CHD6: variants seen among roughly 807,000 people sequenced by gnomAD.
CHD6 encodes chromodomain helicase DNA binding protein 6.
In CHD6, 50 loss-of-function variants were observed where a neutral mutation model predicts 276.9. The ratio of observed to expected loss-of-function variants is 0.18; its 90% CI spans 0.14 to 0.23. The LOEUF is 0.23. Among genes scored for constraint, CHD6 ranks in the 10% least tolerant of loss-of-function variants. The pLI, the probability that CHD6 is intolerant of heterozygous loss-of-function variation, is 1.00. For synonymous variants in CHD6, 1,173 were observed against 1,229.3 expected (o/e 0.95, Z 0.96); for missense variants, 2,564 against 3,365.8 (o/e 0.76, Z 5.89).
At chr20:41,485,091 C>T (rs1011075410) in intron 14 of CHD6, among the ~76,000 whole-genome samples, 2 of 152,212 alleles carry the variant, frequency 1.3e-5, no homozygotes, top group Admixed American at 1.3e-4. Flanking sequence ...TAGCAGCATA[C>T]ATGCTTGGGT....
intron 1 of CHD6, among the ~76,000 whole-genome samples, chr20:41,585,217 A>G (rs997225531): frequency 1.3e-5 from 2 of 152,202 alleles, no homozygotes; most frequent in African/African-American, 4.8e-5. Flanking sequence ...AAGAAGATAT[A>G]GAGTAGCCAG....
rs4810321 is a variant in CHD6 at position 41,491,571 on chromosome 20, C to T, written c.1436+127G>A. 387,937 of 987,984 alleles carry T rather than the reference C, an allele frequency of 0.39. 83,602 individuals carry two copies. The highest frequency in any genetic ancestry group is 0.73 in the African/African-American group (45,107 of 61,978). The allele number at this position is 987,984 out of a possible 1,614,324, so 61.2% of individuals were successfully genotyped here. ...GTCTTGGATGATTAATGTGCAAAGA[C>T]TACCACCCTAAATTGATGGCCATGC... On this transcript the variant is annotated intron_variant, in intron 11 of 36. Transcript: ENST00000373233.
In CHD6 at chr20:41,533,040, A is replaced by G. The variant is rs1301146899; in HGVS notation, c.554+10T>C. ...AGGCAAGTGCTCAGAGAAGGGAGAA[A>G]GGAACGTACCTGGCCTTCCTGGACT... On this transcript the variant is annotated intron_variant, in intron 3 of 36. Transcript: ENST00000373233. 1 of 1,569,832 alleles carries G rather than the reference A, an allele frequency of 6.4e-7. No homozygotes were observed. Among genetic ancestry groups the G allele is most frequent in the East Asian group, 2.2e-5 (1 of 44,764 alleles).
intron 17 of CHD6, among the ~76,000 whole-genome samples, chr20:41,467,606 C>T (rs1025558757): frequency 6.9e-6 from 1 of 144,572 alleles, no homozygotes; most frequent in Non-Finnish European, 1.5e-5. Context: ...TTGTGGCTCT[C>T]GCCCATCTTC....
Position 41,498,152 on chromosome 20 carries a change from C to T in CHD6, c.974+16G>A. The T allele has an allele frequency of 1.9e-6, 3 of 1,585,440 alleles. No homozygotes were observed. Among genetic ancestry groups the T allele is most frequent in the Non-Finnish European group, 2.6e-6 (3 of 1,157,690 alleles). On this transcript the variant is annotated intron_variant, in intron 7 of 36. Coordinates refer to ENST00000373233, the MANE Select transcript of CHD6 (RefSeq NM_032221.5). ...ATATAAAACCCAAATACAGAGAATA[C>T]TTTAAATAGACGTACAAATTTCTAT...
intron 5 of CHD6, among the ~76,000 whole-genome samples, chr20:41,501,721 CAATA>C (rs1048495329): frequency 3.3e-5 from 5 of 151,930 alleles, no homozygotes; most frequent in African/African-American, 4.8e-5. Flanking sequence ...TAAATATTGT[CAATA>C]AATAAATAAA....
intron 3 of CHD6, among the ~76,000 whole-genome samples, chr20:41,525,055 C>T (rs995191751): frequency 6.6e-6 from 1 of 152,142 alleles, no homozygotes; most frequent in Non-Finnish European, 1.5e-5. Context: ...ATACAGGTGC[C>T]TGGTGAGGCT....
At chr20:41,551,502 G>A in intron 1 of CHD6, 142 bp from the exon 2 acceptor site, 1 of 554,076 alleles carries the variant, frequency 1.8e-6, no homozygotes, top group Non-Finnish European at 3.2e-6. Flanking sequence ...AACCTCCAGA[G>A]CCGTAAGTGT....
chr20:41,588,880 ATTC>A (rs1470708234), intron 1 of CHD6, among the ~76,000 whole-genome samples: 1 of 152,008 alleles, frequency 6.6e-6, no homozygotes, highest in East Asian at 1.9e-4. Flanking sequence ...GATTGGGGGG[ATTC>A]TTAAGAAAGC....
Position 41,421,422 on chromosome 20 carries a change from G to A in CHD6, c.5213C>T (p.Ser1738Leu), listed in dbSNP as rs2047187900. The A allele has an allele frequency of 6.2e-7, 1 of 1,613,966 alleles. No homozygotes were observed. The highest frequency in any genetic ancestry group is 1.1e-5 in the South Asian group (1 of 91,074). ...TESRKDVITI[S>L]ISKDGNCQSG... ...CTGGCAGTTCCCATCTTTGCTTATT[G>A]AGATGGTAATAACATCTTTTCTAGA... is the stretch of plus-strand genomic sequence containing the variant. The change falls in exon 31 of 37, where the codon TCA becomes TTA. Residue 1738 changes from serine (S) to leucine (L), a missense_variant. Ser to Leu is a moderately radical substitution (Grantham distance 145, BLOSUM62 -2). This residue lies in a region of CHD6 where 1,024 missense variants were observed against 1,047.9 expected (regional missense o/e 0.98). Coordinates refer to ENST00000373233, the MANE Select transcript of CHD6 (RefSeq NM_032221.5).
intron 1 of CHD6, among the ~76,000 whole-genome samples, chr20:41,585,627 C>T (rs576621412): frequency 6.6e-5 from 10 of 151,966 alleles, no homozygotes; most frequent in South Asian, 6.2e-4. Flanking sequence ...CAGATGACTT[C>T]GCTGGTGAAT....
At chr20:41,529,528 AAACTCTGATATATATCTG>A (rs1411721323) in intron 3 of CHD6, among the ~76,000 whole-genome samples, 14 of 152,252 alleles carry the variant, frequency 9.2e-5, no homozygotes, top group Non-Finnish European at 1.5e-4. Context: ...TGGTTTGGGG[AAACTCTGATATATATCTG>A]AACTCTGATA....
intron 35 of CHD6, 100 bp from the exon 36 acceptor site, chr20:41,412,363 TG>T: frequency 7.3e-7 from 1 of 1,378,640 alleles, no homozygotes; most frequent in Non-Finnish European, 1.0e-6. Flanking sequence ...TTCTCGTCAA[TG>T]GTTGTCTGCA....
chr20:41,587,534 A>T (rs1420472701), intron 1 of CHD6, among the ~76,000 whole-genome samples: 1 of 152,320 alleles, frequency 6.6e-6, no homozygotes, highest in East Asian at 1.9e-4. Flanking sequence ...TTCACACCAT[A>T]AGGTTAGTAT....
At chr20:41,410,783 A>T (rs2046818414) in intron 36 of CHD6, among the ~76,000 whole-genome samples, 1 of 152,204 alleles carries the variant, frequency 6.6e-6, no homozygotes, top group Non-Finnish European at 1.5e-5. Flanking sequence ...ACTGTTAGAC[A>T]CGGGGAAAGA....
At chr20:41,498,807 ATGTATGTGTG>A (rs1415571579) in intron 6 of CHD6, among the ~76,000 whole-genome samples, 324 of 117,716 alleles carry the variant, frequency 2.8e-3, no homozygotes, top group Admixed American at 4.4e-3. Flanking sequence ...GTATGTATGT[ATGTATGTGTG>A]TGTGTGTGTG....
intron 33 of CHD6, 132 bp downstream of exon 33, chr20:41,416,456 C>G (rs1052852184): frequency 2.7e-6 from 2 of 746,040 alleles, no homozygotes; most frequent in African/African-American, 3.5e-5. Flanking sequence ...ATTCCCCAAT[C>G]AACACTAATG....
chr20:41,473,615 C>T lies in CHD6; in HGVS notation c.2469-98G>A, dbSNP rs1420672372. ...AAGCTGTCGACTGATGGCCTTAAAT[C>T]CCTCACTTCTAAATTTGGACCAAAT... On this transcript the variant is annotated intron_variant, in intron 16 of 36. Coordinates refer to ENST00000373233, the MANE Select transcript of CHD6 (RefSeq NM_032221.5). The surrounding 1 kb of genome is among the most constrained non-coding windows in gnomAD (Gnocchi z 4.1). The T allele has an allele frequency of 1.0e-5, 10 of 957,332 alleles. No individual in the cohort carries two copies. The African/African-American group carries it at 1.6e-4, about 16-fold the overall frequency. 59.3% of individuals were successfully genotyped at this position (957,332 alleles called of 1,614,324 possible).
At chr20:41,417,413 G>C in intron 31 of CHD6, 64 bp from the exon 32 acceptor site, 1 of 1,405,202 alleles carries the variant, frequency 7.1e-7, no homozygotes, top group Non-Finnish European at 9.7e-7. Context: ...AGTGATCTGA[G>C]AGATTAGGAT....
Sources: allele counts gnomAD v4.1 joint callset (sites outside exome capture counted in the v4.1 genomes callset), GRCh38; gene constraint gnomAD v4.1.1; regional missense constraint gnomAD v4.1.1; non-coding constraint Gnocchi (gnomAD v3.1); transcripts MANE v1.5; gene names NCBI Gene and HGNC (gene_info 2026-07-23, HGNC 2026-07-21).